DZIP1: variants seen among roughly 807,000 people sequenced by gnomAD.
The protein encoded by DZIP1 is cilium assembly protein DZIP1.
In DZIP1, 97 loss-of-function variants were observed where a neutral mutation model predicts 107.6. The ratio of observed to expected loss-of-function variants is 0.90; its 90% confidence interval spans 0.77 to 1.07. The LOEUF (loss-of-function observed/expected upper bound fraction) is 1.07, where lower values mean the gene tolerates loss of function less well. DZIP1 is among the 50% of genes least tolerant of loss of function. The probability of loss-of-function intolerance (pLI) is 0.00; values close to 1 mark genes in which losing one functional copy is unlikely to be tolerated. For missense variants in DZIP1, 1,035 were observed against 1,063.6 expected, an observed-to-expected ratio of 0.97 and a Z score of 0.37; for synonymous variants, 390 against 386.4, an observed-to-expected ratio of 1.01 and a Z score of -0.11.
intron 7 of DZIP1, among the ~76,000 whole-genome samples, chr13:95,627,165 C>G (rs915645232): frequency 5.9e-5 from 9 of 152,214 alleles, no homozygotes; most frequent in African/African-American, 1.9e-4. Context: ...GACAGACATA[C>G]AGACTAGGGG....
In DZIP1 at chr13:95,587,724, G is replaced by T; in HGVS notation, c.2033C>A (p.Pro678His). 1 of 1,613,562 alleles carries T rather than the reference G, an allele frequency of 6.2e-7. No individual in the cohort carries two copies. Among genetic ancestry groups the T allele is most frequent in the Non-Finnish European group, 8.5e-7 (1 of 1,179,874 alleles). Residue 678 changes from proline to histidine, a missense_variant, in exon 20 of 23, where the codon CCT (proline) becomes CAT (histidine). Transcript: ENST00000376829. ...FPRKSSTITT[P>H]PFSSEEEQED... ...CTGCTCCTCCTCTGAACTAAAAGGA[G>T]GGGTCCTACACAAATCAACACCGAG...
chr13:95,641,778 C>G lies in DZIP1; in HGVS notation c.114G>C (p.Ala38=), dbSNP rs1230680398. The G allele has an allele frequency of 6.5e-7, 1 of 1,538,570 alleles. No individual in the cohort carries two copies. Among genetic ancestry groups the G allele is most frequent in the African/African-American group, 1.4e-5 (1 of 71,770 alleles). ...GCGCACAGGCCATGGAGGCCGCACC[C>G]GCGGCGGCGGCGGCCACAGCGACGT... ...GPDVAVAAAA[A]GAASMACAPP... The change falls in exon 5 of 23, where the codon GCG becomes GCC. Residue 38 remains alanine (A), a synonymous_variant. Coordinates refer to ENST00000376829, the MANE Select transcript of DZIP1 (RefSeq NM_198968.4). This position sits in a 1 kb window ranked among gnomAD's most constrained non-coding sequence, Gnocchi z 4.3.
chr13:95,638,733 C>T, intron 5 of DZIP1, among the ~76,000 whole-genome samples: 1 of 152,118 alleles, frequency 6.6e-6, no homozygotes. Context: ...TGTCTTCAAG[C>T]CTTCAAGAAC....
chr13:95,629,704 G>A (rs1377512089), intron 7 of DZIP1, among the ~76,000 whole-genome samples: 1 of 152,194 alleles, frequency 6.6e-6, no homozygotes, highest in Non-Finnish European at 1.5e-5. Flanking sequence ...AGCCCAGTGA[G>A]AATGAGAAGT....
intron 21 of DZIP1, among the ~76,000 whole-genome samples, chr13:95,585,153 A>G (rs1281639643): frequency 6.6e-6 from 1 of 152,212 alleles, no homozygotes; most frequent in Non-Finnish European, 1.5e-5. Context: ...TACTCTACCA[A>G]TCATGAATGT....
intron 10 of DZIP1, among the ~76,000 whole-genome samples, chr13:95,619,339 G>C (rs1875530681): frequency 6.6e-6 from 1 of 152,200 alleles, no homozygotes; most frequent in Middle Eastern, 3.2e-3. Context: ...GGACAAGAAG[G>C]CTGCTGGAGC....
chr13:95,587,180 GGC>G (rs1327403386), intron 20 of DZIP1, among the ~76,000 whole-genome samples: 1 of 152,190 alleles, frequency 6.6e-6, no homozygotes, highest in East Asian at 1.9e-4. Flanking sequence ...CAAGGACAGA[GGC>G]GCGGAACAGA....
intron 20 of DZIP1, 151 bp downstream of exon 20, chr13:95,587,388 A>T: frequency 1.0e-6 from 1 of 977,786 alleles, no homozygotes; most frequent in Admixed American, 2.6e-5. Context: ...AATGTGCTAA[A>T]CCCTGCCCAT....
chr13:95,593,842 A>G, intron 16 of DZIP1, 102 bp downstream of exon 16: 2 of 1,402,108 alleles, frequency 1.4e-6, no homozygotes, highest in Non-Finnish European at 1.9e-6. Context: ...TTCTCCAAAC[A>G]TGGACAGAAT....
chr13:95,609,489 A>G lies in DZIP1; in HGVS notation c.1388T>C (p.Phe463Ser). Residue 463 changes from phenylalanine to serine, a missense_variant, in exon 13 of 23, where the codon TTT becomes TCT. Physicochemically the swap from Phe to Ser is radical, Grantham distance 155. Coordinates refer to ENST00000376829, the MANE Select transcript of DZIP1 (RefSeq NM_198968.4). ...AGCTGGAGCAGCTGGCTGAGATTCA[A>G]AAGCCTGCCAGGCTAAAGGATTTCC... ...PKGNPLAWQA[F>S]ESQPAAPAVP... The G allele has an allele frequency of 1.3e-6, 2 of 1,590,480 alleles. No homozygotes were observed. The highest frequency in any genetic ancestry group is 1.2e-5 in the South Asian group (1 of 86,368).
Position 95,580,624 on chromosome 13 carries a change from A to G in DZIP1, c.*1610T>C, listed in dbSNP as rs941120534. The G allele has an allele frequency of 5.9e-5, 9 of 152,172 alleles. No individual in the cohort carries two copies. Among genetic ancestry groups the G allele is most frequent in the Non-Finnish European group, 1.2e-4 (8 of 68,022 alleles). The allele number at this position is 152,172 out of a possible 1,614,324, so 9.4% of individuals were successfully genotyped here. On this transcript the variant is annotated 3_prime_UTR_variant, in exon 23 of 23. Coordinates refer to ENST00000376829, the MANE Select transcript of DZIP1 (RefSeq NM_198968.4). Reference sequence around the variant, plus strand: ...AGGATTATAACAATAACTACATCGCAAAGTTGTTGTAATTAAATGAATTAG... The same window carrying G: ...AGGATTATAACAATAACTACATCGCGAAGTTGTTGTAATTAAATGAATTAG...
At chr13:95,589,610 G>C (rs1328975603) in intron 18 of DZIP1, among the ~76,000 whole-genome samples, 193 bp downstream of exon 18, 1 of 152,242 alleles carries the variant, frequency 6.6e-6, no homozygotes, top group Non-Finnish European at 1.5e-5. Flanking sequence ...GGCATGGCAA[G>C]AAGGCAGTCG....
chr13:95,590,074 G>C, intron 17 of DZIP1, 142 bp from the exon 18 acceptor site: 1 of 1,236,046 alleles, frequency 8.1e-7, no homozygotes, highest in Non-Finnish European at 1.1e-6. Context: ...CTCTAGGGTT[G>C]TTGTTTTGTT....
Position 95,611,426 on chromosome 13 carries a change from C to T in DZIP1, c.1363+19G>A, listed in dbSNP as rs372450971. Reference sequence around the variant, plus strand: ...GGGAGGTTCCCCTTGCCGCCAGTACCGGGATCCCATCCACTTACCTTTGGG... The same window carrying T: ...GGGAGGTTCCCCTTGCCGCCAGTACTGGGATCCCATCCACTTACCTTTGGG... On this transcript the variant is annotated intron_variant, in intron 12 of 22. Coordinates refer to ENST00000376829, the MANE Select transcript of DZIP1 (RefSeq NM_198968.4). The T allele has an allele frequency of 5.0e-6, 8 of 1,610,680 alleles. No homozygotes were observed. The highest frequency in any genetic ancestry group is 2.7e-5 in the African/African-American group (2 of 74,822).
intron 10 of DZIP1, among the ~76,000 whole-genome samples, chr13:95,614,171 G>C (rs933964031): frequency 3.2e-4 from 48 of 148,718 alleles, no homozygotes; most frequent in African/African-American, 1.1e-3. Context: ...ATCCTGCACA[G>C]CCTTGCCTCT....
chr13:95,590,903 G>A (rs1224953141), intron 16 of DZIP1, among the ~76,000 whole-genome samples: 1 of 152,092 alleles, frequency 6.6e-6, no homozygotes, highest in Non-Finnish European at 1.5e-5. Context: ...ACGTCCCACA[G>A]GCTAATGCTT....
At chr13:95,585,959 G>A in intron 21 of DZIP1, 47 bp downstream of exon 21, 1 of 1,554,084 alleles carries the variant, frequency 6.4e-7, no homozygotes, top group Non-Finnish European at 8.7e-7. Context: ...TTAAGGTGCT[G>A]TCCAAAGACA....
chr13:95,590,031 T>C lies in DZIP1; in HGVS notation c.1844-99A>G, dbSNP rs575804347. On this transcript the variant is annotated intron_variant, in intron 17 of 22. Coordinates refer to ENST00000376829, the MANE Select transcript of DZIP1 (RefSeq NM_198968.4). ...AATACCCCCTATGCTGCTGTGGCAA[T>C]GAACAATCCCATCTCTAGGGTTTAA... 2.7e-5 allele frequency: 39 copies of C among 1,422,770 alleles called. No individual in the cohort carries two copies. The East Asian group carries it at 8.6e-4, about 31-fold the overall frequency. The allele number at this position is 1,422,770 out of a possible 1,614,324, so 88.1% of individuals were successfully genotyped here. A position where few individuals can be genotyped will look rare whatever the true frequency, so the allele number is the denominator to read the frequency against.
intron 6 of DZIP1, 146 bp downstream of exon 6, chr13:95,633,088 C>A: frequency 1.4e-6 from 1 of 739,468 alleles, no homozygotes; most frequent in Non-Finnish European, 2.2e-6. Context: ...TATGCACCTC[C>A]TGAGGGCTCC....
Sources: gnomAD v4.1 joint callset for allele counts (sites outside exome capture counted in the v4.1 genomes callset) on GRCh38, gnomAD v4.1.1 for gene constraint, Gnocchi (gnomAD v3.1) non-coding constraint, MANE v1.5 for transcripts, NCBI Gene and HGNC (gene_info 2026-07-23, HGNC 2026-07-21) for gene names.